KAT6B: variants seen among roughly 807,000 people sequenced by gnomAD.
The protein encoded by KAT6B is histone acetyltransferase KAT6B.
In KAT6B, 10 loss-of-function variants were observed where a neutral mutation model predicts 187.5. That is an observed-to-expected ratio of 0.05 (90% CI 0.03 to 0.09). The LOEUF is 0.09. Ranked by LOEUF, KAT6B falls within the 10% of genes least tolerant of loss-of-function variation. The probability of loss-of-function intolerance (pLI) is 1.00; values close to 1 mark genes in which losing one functional copy is unlikely to be tolerated. For missense variants in KAT6B, 1,952 were observed against 2,558.9 expected (o/e 0.76, Z 5.12); for synonymous variants, 861 against 926.8 (o/e 0.93, Z 1.29).
intron 3 of KAT6B, among the ~76,000 whole-genome samples, chr10:74,914,972 C>T (rs1036787998): frequency 6.6e-6 from 1 of 152,064 alleles, no homozygotes; most frequent in African/African-American, 2.4e-5. Flanking sequence ...TGGTGGCCCA[C>T]ACTTGTAGTC....
intron 3 of KAT6B, among the ~76,000 whole-genome samples, chr10:74,875,866 T>G (rs2132460640): frequency 6.6e-6 from 1 of 152,368 alleles, no homozygotes; most frequent in East Asian, 1.9e-4. Flanking sequence ...CTGTATGTAC[T>G]GCTGCATCTT....
At chr10:74,840,929 A>G (rs1188403461) in intron 2 of KAT6B, among the ~76,000 whole-genome samples, 1 of 152,202 alleles carries the variant, frequency 6.6e-6, no homozygotes, top group African/African-American at 2.4e-5. Context: ...TTAAGGAAAG[A>G]TATTATTTTC....
chr10:74,947,134 T>G (rs972981872), intron 3 of KAT6B, among the ~76,000 whole-genome samples: 3 of 152,068 alleles, frequency 2.0e-5, no homozygotes, highest in Admixed American at 2.0e-4. Flanking sequence ...GTAGCTGGGA[T>G]TACAGCCGTG....
At chr10:74,880,827 G>T (rs1486679328) in intron 3 of KAT6B, among the ~76,000 whole-genome samples, 1 of 152,138 alleles carries the variant, frequency 6.6e-6, no homozygotes, top group African/African-American at 2.4e-5. Flanking sequence ...TGTTGGCCAG[G>T]CTGGTCTCGA....
chr10:74,943,826 G>T (rs1849877262), intron 3 of KAT6B, among the ~76,000 whole-genome samples: 2 of 152,116 alleles, frequency 1.3e-5, no homozygotes, highest in African/African-American at 4.8e-5. Flanking sequence ...AAAAGAAATT[G>T]GTAGGAAAAT....
chr10:74,940,599 T>C (rs1849603109), intron 3 of KAT6B, among the ~76,000 whole-genome samples: 1 of 151,282 alleles, frequency 6.6e-6, no homozygotes, highest in African/African-American at 2.4e-5. Flanking sequence ...TTTCTTTCTT[T>C]AAAGAGAAGT....
chr10:74,883,876 T>C (rs969656867), intron 3 of KAT6B, among the ~76,000 whole-genome samples: 15 of 152,222 alleles, frequency 9.9e-5, no homozygotes, highest in Middle Eastern at 3.2e-3. Flanking sequence ...GGAAAAACTT[T>C]TCTATTGAGG....
chr10:74,828,693 G>T (rs1199790185), intron 1 of KAT6B, among the ~76,000 whole-genome samples: 3 of 151,302 alleles, frequency 2.0e-5, no homozygotes, highest in African/African-American at 4.9e-5. Context: ...TCAGCCTCCG[G>T]AGTAGCTGGG....
intron 16 of KAT6B, among the ~76,000 whole-genome samples, chr10:75,022,911 C>T (rs986053564): frequency 5.3e-5 from 8 of 152,120 alleles, no homozygotes; most frequent in African/African-American, 1.9e-4. Context: ...GCAACAAGAG[C>T]GAAACTCTGT....
At chr10:74,957,221 A>G (rs1840750649) in intron 3 of KAT6B, among the ~76,000 whole-genome samples, 1 of 152,250 alleles carries the variant, frequency 6.6e-6, no homozygotes, top group East Asian at 1.9e-4. Flanking sequence ...TTAAAAGTTA[A>G]TTAGACTTGG....
intron 13 of KAT6B, among the ~76,000 whole-genome samples, chr10:74,992,224 C>T (rs766300912): frequency 8.6e-5 from 13 of 152,014 alleles, no homozygotes; most frequent in Non-Finnish European, 1.6e-4. Flanking sequence ...AAACACGATA[C>T]GAGCAGGGAG....
chr10:74,969,630 C>A, intron 4 of KAT6B, 30 bp from the exon 5 acceptor site: 1 of 1,326,304 alleles, frequency 7.5e-7, no homozygotes, highest in East Asian at 2.3e-5. Context: ...GCACCATTCC[C>A]ATCAAGCAAT....
intron 1 of KAT6B, among the ~76,000 whole-genome samples, chr10:74,828,562 CTTTTTTTTTT>C (rs1160950109): frequency 1.1e-5 from 1 of 94,820 alleles, no homozygotes; most frequent in Non-Finnish European, 2.0e-5. Context: ...CTCATAAGTT[CTTTTTTTTTT>C]TTTTTTTTTT....
At chr10:74,980,560 A>G (rs1842445218) in intron 10 of KAT6B, among the ~76,000 whole-genome samples, 2 of 152,234 alleles carry the variant, frequency 1.3e-5, no homozygotes, top group Admixed American at 1.3e-4. Context: ...TTGCATAGGT[A>G]ATGATAAGCC....
At chr10:74,955,350 G>C (rs1240592246) in intron 3 of KAT6B, among the ~76,000 whole-genome samples, 3 of 141,712 alleles carry the variant, frequency 2.1e-5, no homozygotes, top group African/African-American at 7.9e-5. Context: ...ATTCAGTTTA[G>C]ATCTTTTTTG....
At chr10:74,939,210 TCTA>T (rs749659689) in intron 3 of KAT6B, among the ~76,000 whole-genome samples, 39 of 152,158 alleles carry the variant, frequency 2.6e-4, no homozygotes, top group Admixed American at 6.5e-5. Flanking sequence ...TGGTAGTGCT[TCTA>T]CTGCTGTTTG....
At chr10:74,993,917 C>T (rs1432729140) in intron 13 of KAT6B, among the ~76,000 whole-genome samples, 1 of 152,164 alleles carries the variant, frequency 6.6e-6, no homozygotes, top group Non-Finnish European at 1.5e-5. Flanking sequence ...ACATTTGTCT[C>T]ATCACTGGGT....
chr10:74,849,493 A>C (rs1434457050), intron 3 of KAT6B, among the ~76,000 whole-genome samples: 1 of 151,652 alleles, frequency 6.6e-6, no homozygotes, highest in East Asian at 1.9e-4. Context: ...GGGTTTCACC[A>C]TGTTGACCAG....
rs569587080 is a variant in KAT6B at position 74,830,069 on chromosome 10, G to A, written c.-329+3284G>A. ...AAATATTTTATGTAAGTAGGGATGT[G>A]TAAGCTGTAGTGATCAGTCTTTGTT... On this transcript the variant is annotated intron_variant, in intron 1 of 17. Transcript: ENST00000287239. 5.9e-5 allele frequency among the ~76,000 whole-genome samples: 9 copies of A among 151,822 alleles called. No individual in the cohort carries two copies. The South Asian group carries it at 1.9e-3, about 32-fold the overall frequency.
Sources: gnomAD v4.1 joint callset for allele counts (sites outside exome capture counted in the v4.1 genomes callset) on GRCh38, gnomAD v4.1.1 for gene constraint, MANE v1.5 for transcripts, NCBI Gene and HGNC (gene_info 2026-07-23, HGNC 2026-07-21) for gene names.